The following PREP variants were observed in gnomAD, a reference collection of about 807,000 sequenced individuals.
The protein encoded by PREP is prolyl endopeptidase.
In PREP, 29 loss-of-function variants were observed where a neutral mutation model predicts 87.6. The ratio of observed to expected loss-of-function variants is 0.33; its 90% confidence interval spans 0.25 to 0.45. The LOEUF (loss-of-function observed/expected upper bound fraction) is 0.45, where lower values mean the gene tolerates loss of function less well. Among genes scored for constraint, PREP ranks in the 20% least tolerant of loss-of-function variants. PREP has a pLI of 1.00. For missense variants in PREP, 695 were observed against 886.5 expected (o/e 0.78, Z 2.74); for synonymous variants, 337 against 328.6 (o/e 1.03, Z -0.28).
intron 7 of PREP, among the ~76,000 whole-genome samples, chr6:105,350,893 G>C (rs1771932011): frequency 6.6e-6 from 1 of 152,204 alleles, no homozygotes; most frequent in African/African-American, 2.4e-5. Context: ...ACTGGAGAAT[G>C]CTGATCCAAT....
intron 5 of PREP, among the ~76,000 whole-genome samples, chr6:105,370,462 G>C (rs1243455153): frequency 1.3e-5 from 2 of 152,154 alleles, no homozygotes; most frequent in East Asian, 3.9e-4. Context: ...CACTCTGGAA[G>C]TTTTGGAGGA....
Position 105,321,543 on chromosome 6 carries a change from T to A in PREP, c.1317+2122A>T, listed in dbSNP as rs114229226. ...TTTCTTAGCTGCCATGTTTTATCTT[T>A]TCATTTGTAAATGAAAACAATATAT... On this transcript the variant is annotated intron_variant, in intron 10 of 14. Coordinates refer to ENST00000652536, the MANE Select transcript of PREP (RefSeq NM_002726.5). Among the ~76,000 whole-genome samples the A allele has an allele frequency of 2.0e-3, 301 of 152,360 alleles. 1 individual carries two copies. Among genetic ancestry groups the A allele is most frequent in the African/African-American group, 6.8e-3 (282 of 41,584 alleles).
At chr6:105,328,262 ATT>A (rs372647542) in intron 9 of PREP, among the ~76,000 whole-genome samples, 1 of 145,842 alleles carries the variant, frequency 6.9e-6, no homozygotes, top group African/African-American at 2.5e-5. Context: ...ATTGGTACTA[ATT>A]TTTTTTTTTT....
At chr6:105,279,560 T>C (rs545504733) in intron 14 of PREP, among the ~76,000 whole-genome samples, 4 of 152,352 alleles carry the variant, frequency 2.6e-5, no homozygotes, top group African/African-American at 7.2e-5. Flanking sequence ...CATTCAAACT[T>C]GGAGCTCTAG....
At chr6:105,384,892 C>T (rs965451642) in intron 2 of PREP, among the ~76,000 whole-genome samples, 1 of 152,200 alleles carries the variant, frequency 6.6e-6, no homozygotes, top group African/African-American at 2.4e-5. Flanking sequence ...ATACCACATG[C>T]ACTCCTGGAT....
In PREP at chr6:105,353,044, T is replaced by G. The variant is rs1051839975; in HGVS notation, c.751A>C (p.Ile251Leu). Residue 251 changes from isoleucine to leucine, a missense_variant, in exon 7 of 15, where the codon ATA becomes CTA. Physicochemically the swap from Ile to Leu is conservative, Grantham distance 5. Coordinates refer to ENST00000652536, the MANE Select transcript of PREP (RefSeq NM_002726.5). Reference protein sequence around the residue: ...SDDGRYVLLSIREGCDPVNRL... With the variant: ...SDDGRYVLLSLREGCDPVNRL... The stretch of plus-strand genomic sequence containing the variant: ...TTTACTGGATCACATCCTTCCCTTA[T>G]TGATAACAAGACATAGCGGCCATCA... 2.5e-6 allele frequency: 4 copies of G among 1,613,982 alleles called. No individual in the cohort carries two copies. Among genetic ancestry groups the G allele is most frequent in the Non-Finnish European group, 3.4e-6 (4 of 1,179,926 alleles).
At position 105,285,496 on chromosome 6, in the gene PREP, C is replaced by T. The variant is rs372854817; in HGVS notation, c.1539G>A (p.Thr513=). The change falls in exon 12 of 15, where the codon ACG becomes ACA. Residue 513 remains threonine, a synonymous_variant. Coordinates refer to ENST00000652536, the MANE Select transcript of PREP (RefSeq NM_002726.5). The part of the protein sequence containing the change: ...NIRGGGEYGE[T]WHKGGILANK... ...GAGAAAACACCTCACCTTTATGCCA[C>T]GTCTCTCCATATTCGCCACCTCCTC... 16 of 1,612,916 alleles carry T rather than the reference C, an allele frequency of 9.9e-6. No homozygotes were observed. The highest frequency in any genetic ancestry group is 1.3e-5 in the African/African-American group (1 of 74,902).
At position 105,278,133 on chromosome 6, in the gene PREP, A is replaced by C; in HGVS notation, c.*11T>G. 1 of 1,599,160 alleles carries C rather than the reference A, an allele frequency of 6.3e-7. No homozygotes were observed. The highest frequency in any genetic ancestry group is 1.1e-5 in the South Asian group (1 of 90,030). Reference sequence around the variant, plus strand: ...TTTTCTGTCGCTGTCAGGAGGAAGCACGAAAACTGTTTATGGAATCCAGTC... The same window carrying C: ...TTTTCTGTCGCTGTCAGGAGGAAGCCCGAAAACTGTTTATGGAATCCAGTC... On this transcript the variant is annotated 3_prime_UTR_variant, in exon 15 of 15. Transcript: ENST00000652536. The surrounding 1 kb of genome is among the most constrained non-coding windows in gnomAD (Gnocchi z 4.2).
At chr6:105,291,179 G>A (rs1177712328) in intron 10 of PREP, among the ~76,000 whole-genome samples, 1 of 152,062 alleles carries the variant, frequency 6.6e-6, no homozygotes, top group Non-Finnish European at 1.5e-5. Context: ...TTTTTTGCTG[G>A]TGGAGGGCCT....
At chr6:105,339,192 A>C (rs771631831) in intron 7 of PREP, among the ~76,000 whole-genome samples, 65 of 152,320 alleles carry the variant, frequency 4.3e-4, no homozygotes, top group Non-Finnish European at 7.5e-4. Flanking sequence ...AAGCTTCCAG[A>C]GGAAGGATCA....
At chr6:105,362,291 T>C (rs1268595271) in intron 6 of PREP, among the ~76,000 whole-genome samples, 1 of 152,140 alleles carries the variant, frequency 6.6e-6, no homozygotes, top group Non-Finnish European at 1.5e-5. Flanking sequence ...TGAAACCCCG[T>C]CTCTACTAAA....
At chr6:105,373,300 C>T (rs1227028063) in intron 5 of PREP, 69 bp downstream of exon 5, 2 of 1,498,512 alleles carry the variant, frequency 1.3e-6, no homozygotes, top group Non-Finnish European at 1.9e-6. Context: ...GGTTCAGCAT[C>T]TCTTTTCAGT....
intron 8 of PREP, 133 bp downstream of exon 8, chr6:105,333,181 A>C: frequency 1.3e-6 from 1 of 789,736 alleles, no homozygotes; most frequent in Non-Finnish European, 2.0e-6. Flanking sequence ...CTATTTAGAC[A>C]CTTCATTCCT....
chr6:105,382,963 A>G (rs1175987270), intron 2 of PREP, among the ~76,000 whole-genome samples: 1 of 152,222 alleles, frequency 6.6e-6, no homozygotes, highest in African/African-American at 2.4e-5. Flanking sequence ...TCCCAGCCTA[A>G]GTGAAAGGCA....
intron 7 of PREP, 105 bp downstream of exon 7, chr6:105,352,867 T>C (rs1250965373): frequency 8.4e-6 from 8 of 952,592 alleles, no homozygotes; most frequent in Non-Finnish European, 1.3e-5. Context: ...TGACATGATG[T>C]GGTAGAATGG....
intron 13 of PREP, 59 bp from the exon 14 acceptor site, chr6:105,281,961 C>G: frequency 2.5e-6 from 4 of 1,570,346 alleles, no homozygotes; most frequent in Non-Finnish European, 3.5e-6. Context: ...TCTACATAAA[C>G]AAGGCAAGGC....
intron 2 of PREP, among the ~76,000 whole-genome samples, chr6:105,383,061 A>G (rs1227685441): frequency 6.6e-6 from 1 of 152,180 alleles, no homozygotes; most frequent in Non-Finnish European, 1.5e-5. Context: ...CCCATCAAAA[A>G]GCAGCCAAGA....
rs575178092 is a variant in PREP at position 105,397,054 on chromosome 6, A to C, written c.120+799T>G. On this transcript the variant is annotated intron_variant, in intron 2 of 14. Transcript: ENST00000652536. Reference sequence around the variant, plus strand: ...ACAAAAACTAGCCGGGTGTGGTGGCACATGCCTGTAATCCCAGCTACTCGG... The same window carrying C: ...ACAAAAACTAGCCGGGTGTGGTGGCCCATGCCTGTAATCCCAGCTACTCGG... Among the ~76,000 whole-genome samples, 8 of 152,070 alleles carry C rather than the reference A, an allele frequency of 5.3e-5. No homozygotes were observed. In the East Asian group the frequency reaches 1.6e-3, roughly 29 times the overall value.
intron 12 of PREP, 26 bp from the exon 13 acceptor site, chr6:105,282,608 G>A (rs1364357083): frequency 6.2e-7 from 1 of 1,602,438 alleles, no homozygotes. Context: ...GTGGAAGATA[G>A]TTAATTAACA....
Sources: allele counts gnomAD v4.1 joint callset (sites outside exome capture counted in the v4.1 genomes callset), GRCh38; gene constraint gnomAD v4.1.1; non-coding constraint Gnocchi (gnomAD v3.1); transcripts MANE v1.5; gene names NCBI Gene and HGNC (gene_info 2026-07-23, HGNC 2026-07-21).